GSK3B: variants seen among roughly 807,000 people sequenced by gnomAD.
GSK3B encodes glycogen synthase kinase 3 beta, also known as glycogen synthase kinase-3 beta.
Under a neutral mutation model 56.4 loss-of-function variants are expected in GSK3B, and 15 were observed. That is an observed-to-expected ratio of 0.27 (90% CI 0.18 to 0.41). GSK3B has a LOEUF of 0.41. Ranked by LOEUF, GSK3B falls within the 10% of genes least tolerant of loss-of-function variation. The probability of loss-of-function intolerance (pLI) is 1.00; values close to 1 mark genes in which losing one functional copy is unlikely to be tolerated. For missense variants in GSK3B, 300 were observed against 513.4 expected (o/e 0.58, Z 4.02); for synonymous variants, 181 against 188.9 (o/e 0.96, Z 0.34).
intron 1 of GSK3B, among the ~76,000 whole-genome samples, chr3:120,049,428 G>C (rs2058129257): frequency 1.3e-5 from 2 of 152,182 alleles, no homozygotes; most frequent in Non-Finnish European, 2.9e-5. Context: ...GCAAGAAAAA[G>C]AAAAATCTGG....
At chr3:119,963,291 C>A (rs2057289986) in intron 2 of GSK3B, among the ~76,000 whole-genome samples, 1 of 152,232 alleles carries the variant, frequency 6.6e-6, no homozygotes, top group African/African-American at 2.4e-5. Context: ...AGATTCAGCA[C>A]AACCCCTATC....
rs749431656 is a variant in GSK3B at position 120,093,468 on chromosome 3, T to C, written c.-34A>G. ...TCTTCGCGAATCACCTTTTCCTTCC[T>C]TCCTCCTTTTCTTCCTTTTGTCTTT... On this transcript the variant is annotated 5_prime_UTR_variant, in exon 1 of 11. Coordinates refer to ENST00000264235, the MANE Select transcript of GSK3B (RefSeq NM_001146156.2). 2.2e-6 allele frequency: 3 copies of C among 1,359,838 alleles called. No individual in the cohort carries two copies. The highest frequency in any genetic ancestry group is 3.2e-6 in the Non-Finnish European group (3 of 949,342). 84.2% of individuals were successfully genotyped at this position (1,359,838 alleles called of 1,614,324 possible).
chr3:120,078,672 C>T (rs1187145563), intron 1 of GSK3B, among the ~76,000 whole-genome samples: 2 of 151,618 alleles, frequency 1.3e-5, no homozygotes, highest in African/African-American at 4.9e-5. Flanking sequence ...TCTGCCTCAG[C>T]CTCCCGTGTA....
chr3:119,861,744 A>G (rs1192124772), intron 9 of GSK3B, among the ~76,000 whole-genome samples: 5 of 152,358 alleles, frequency 3.3e-5, no homozygotes, highest in South Asian at 2.1e-4. Flanking sequence ...ACAAGGGGCC[A>G]TACCTCAAAA....
At chr3:119,925,149 CA>C (rs2056878618) in intron 3 of GSK3B, among the ~76,000 whole-genome samples, 1 of 151,962 alleles carries the variant, frequency 6.6e-6, no homozygotes, top group East Asian at 1.9e-4. Flanking sequence ...GGCAACATGG[CA>C]AAACCCCATC....
intron 10 of GSK3B, among the ~76,000 whole-genome samples, chr3:119,837,425 A>G (rs1380293265): frequency 6.6e-6 from 1 of 151,026 alleles, no homozygotes; most frequent in Non-Finnish European, 1.5e-5. Context: ...TCGGCCTCCC[A>G]AAGTGCTGGG....
intron 1 of GSK3B, among the ~76,000 whole-genome samples, chr3:120,019,319 A>G (rs1210624345): frequency 6.6e-6 from 1 of 152,132 alleles, no homozygotes; most frequent in African/African-American, 2.4e-5. Context: ...CCCCATTCCC[A>G]GTTCTAAATA....
intron 1 of GSK3B, among the ~76,000 whole-genome samples, chr3:120,082,045 T>C (rs767734823): frequency 1.3e-5 from 2 of 152,186 alleles, no homozygotes; most frequent in African/African-American, 2.4e-5. Flanking sequence ...GGACAACACC[T>C]AATTATCTTA....
At chr3:119,833,056 C>T (rs1345159710) in intron 10 of GSK3B, 5 of 793,850 alleles carry the variant, frequency 6.3e-6, no homozygotes, top group African/African-American at 1.9e-5. Flanking sequence ...GAGGAAACTG[C>T]CCCACCCAAA....
chr3:119,842,076 G>A (rs1420488541), intron 10 of GSK3B, among the ~76,000 whole-genome samples: 1 of 151,910 alleles, frequency 6.6e-6, no homozygotes, highest in Admixed American at 6.6e-5. Flanking sequence ...TTAGCTTTTT[G>A]GAGAGAGAGA....
intron 10 of GSK3B, 118 bp from the exon 11 acceptor site, chr3:119,826,973 A>T (rs535044720): frequency 8.7e-5 from 58 of 668,390 alleles, no homozygotes; most frequent in Non-Finnish European, 9.6e-5. Context: ...TGTTATTTGG[A>T]ACGTTGTTTT....
rs780960215 is a variant in GSK3B at position 119,857,212 on chromosome 3, ATTTC to A, written c.1096+6203_1096+6206del. The stretch of plus-strand genomic sequence containing the variant: ...GCTGAAGGTTAGGGTGGCTATGGCA[ATTTC>A]TTAAAACAAAACAACCATGAAGTTT... On this transcript the variant is annotated intron_variant, in intron 9 of 10. Coordinates refer to ENST00000264235, the MANE Select transcript of GSK3B (RefSeq NM_001146156.2). 7.2e-5 allele frequency among the ~76,000 whole-genome samples: 11 copies of A among 152,224 alleles called. No homozygotes were observed. In the East Asian group the frequency reaches 1.9e-3, roughly 27 times the overall value.
intron 2 of GSK3B, among the ~76,000 whole-genome samples, chr3:119,961,588 A>G (rs1455869634): frequency 6.6e-6 from 1 of 150,476 alleles, no homozygotes; most frequent in East Asian, 2.0e-4. Context: ...AGATTGGGCC[A>G]CTGCACTCAG....
chr3:120,062,439 A>C (rs1041014839), intron 1 of GSK3B, among the ~76,000 whole-genome samples: 1 of 152,204 alleles, frequency 6.6e-6, no homozygotes, highest in Non-Finnish European at 1.5e-5. Context: ...TCTAAGGGGA[A>C]AAAAAGGAGT....
chr3:120,031,680 C>T (rs75171058), intron 1 of GSK3B, among the ~76,000 whole-genome samples: 3,945 of 152,302 alleles, frequency 0.026, 173 homozygotes, highest in African/African-American at 0.089. Flanking sequence ...GCAGTTATCA[C>T]CATCCTCTGT....
At chr3:120,012,344 C>T (rs2057785470) in intron 1 of GSK3B, among the ~76,000 whole-genome samples, 1 of 152,138 alleles carries the variant, frequency 6.6e-6, no homozygotes, top group Non-Finnish European at 1.5e-5. Flanking sequence ...AACCACTTTG[C>T]CCAGTACTAA....
chr3:120,063,041 T>A (rs2058251010), intron 1 of GSK3B, among the ~76,000 whole-genome samples: 1 of 152,186 alleles, frequency 6.6e-6, no homozygotes, highest in East Asian at 1.9e-4. Context: ...CTTTTCTCAT[T>A]AGCCAAACTT....
rs1040072128 is a variant in GSK3B, at chr3:119,824,570, T to C, written c.*2218A>G. On this transcript the variant is annotated 3_prime_UTR_variant, in exon 11 of 11. Transcript: ENST00000264235. ...TCTATCACAGACCTGCCTTTTCAGA[T>C]TCTTTATAAATTCTGTCTGAAAATG... 5 of 210,102 alleles carry C rather than the reference T, an allele frequency of 2.4e-5. No individual in the cohort carries two copies. The highest frequency in any genetic ancestry group is 4.8e-5 in the Non-Finnish European group (5 of 103,398). 13.0% of individuals were successfully genotyped at this position (210,102 alleles called of 1,614,324 possible). A position where few individuals can be genotyped will look rare whatever the true frequency, so the allele number is the denominator to read the frequency against.
chr3:120,063,455 A>G (rs2058254205), intron 1 of GSK3B, among the ~76,000 whole-genome samples: 2 of 152,146 alleles, frequency 1.3e-5, no homozygotes, highest in South Asian at 4.1e-4. Context: ...GGCCGGGTGC[A>G]GTGGCTCACA....
Sources: gnomAD v4.1 joint callset for allele counts (sites outside exome capture counted in the v4.1 genomes callset) on GRCh38, gnomAD v4.1.1 for gene constraint, MANE v1.5 for transcripts, NCBI Gene and HGNC (gene_info 2026-07-23, HGNC 2026-07-21) for gene names.